Variants in DYNC1I1 observed in about 807,000 individuals in gnomAD.
DYNC1I1 encodes the protein dynein cytoplasmic 1 intermediate chain 1.
Under a neutral mutation model 86.6 loss-of-function variants are expected in DYNC1I1, and 43 were observed. The observed-to-expected ratio is 0.50, with a 90% CI of 0.39 to 0.64. The LOEUF is 0.64. DYNC1I1 is among the 30% of genes least tolerant of loss of function. The pLI, the probability that DYNC1I1 is intolerant of heterozygous loss-of-function variation, is 0.00. For synonymous variants in DYNC1I1, 262 were observed against 283.7 expected, an observed-to-expected ratio of 0.92 and a Z score of 0.77; for missense variants, 604 against 788.8, an observed-to-expected ratio of 0.77 and a Z score of 2.81.
rs539791097 is a variant in DYNC1I1, at chr7:96,062,952, G to C, written c.1510-13105G>C. 4.6e-5 allele frequency among the ~76,000 whole-genome samples: 7 copies of C among 152,068 alleles called. No homozygotes were observed. The South Asian group carries it at 1.5e-3, about 32-fold the overall frequency. On this transcript the variant is annotated intron_variant, in intron 14 of 16. Coordinates refer to ENST00000447467, the MANE Select transcript of DYNC1I1 (RefSeq NM_001135556.2). Reference sequence around the variant, plus strand: ...TTGTGTCCCTGGGGTGGTTTGACCTGTTTGTATTAGCTTTCCACTCTCCAT... The same window carrying C: ...TTGTGTCCCTGGGGTGGTTTGACCTCTTTGTATTAGCTTTCCACTCTCCAT...
At chr7:95,966,311 G>C (rs1263960396) in intron 6 of DYNC1I1, among the ~76,000 whole-genome samples, 1 of 152,138 alleles carries the variant, frequency 6.6e-6, no homozygotes, top group Non-Finnish European at 1.5e-5. Flanking sequence ...GATGTATATG[G>C]TCATTTTACT....
At chr7:95,798,308 C>A (rs1794493867) in intron 1 of DYNC1I1, among the ~76,000 whole-genome samples, 1 of 151,738 alleles carries the variant, frequency 6.6e-6, no homozygotes, top group South Asian at 2.1e-4. Flanking sequence ...TGGCCAACTC[C>A]CTCCTGAGAT....
chr7:96,018,562 G>A (rs1031119251), intron 10 of DYNC1I1, among the ~76,000 whole-genome samples: 4 of 152,136 alleles, frequency 2.6e-5, no homozygotes, highest in African/African-American at 9.7e-5. Context: ...CAGTGATAAT[G>A]TTCATTAGCA....
chr7:95,937,533 AT>A (rs1792080683), intron 6 of DYNC1I1, among the ~76,000 whole-genome samples: 2 of 151,032 alleles, frequency 1.3e-5, no homozygotes, highest in African/African-American at 4.9e-5. Context: ...TATGAAAGAC[AT>A]TTAGCAAACA....
At chr7:95,934,098 C>T (rs1791975992) in intron 6 of DYNC1I1, among the ~76,000 whole-genome samples, 1 of 151,986 alleles carries the variant, frequency 6.6e-6, no homozygotes, top group Non-Finnish European at 1.5e-5. Flanking sequence ...AGAAAATGAC[C>T]AGAGTAAACT....
At chr7:96,105,673 G>T (rs1791204772) in intron 16 of DYNC1I1, among the ~76,000 whole-genome samples, 1 of 152,134 alleles carries the variant, frequency 6.6e-6, no homozygotes, top group African/African-American at 2.4e-5. Flanking sequence ...GAGGAGTTGG[G>T]AAGTGTTCTG....
chr7:95,969,691 C>T (rs1359020439), intron 6 of DYNC1I1, among the ~76,000 whole-genome samples: 2 of 152,058 alleles, frequency 1.3e-5, no homozygotes, highest in African/African-American at 2.4e-5. Flanking sequence ...TCTCTGACTT[C>T]CCCTCTCATT....
chr7:95,882,143 C>T (rs933116091), intron 6 of DYNC1I1, among the ~76,000 whole-genome samples: 2 of 152,118 alleles, frequency 1.3e-5, no homozygotes, highest in African/African-American at 4.8e-5. Flanking sequence ...TTTAGGATCA[C>T]AAATTTCACA....
At chr7:95,780,250 A>G (rs1326735258) in intron 1 of DYNC1I1, among the ~76,000 whole-genome samples, 2 of 151,902 alleles carry the variant, frequency 1.3e-5, no homozygotes, top group African/African-American at 4.8e-5. Flanking sequence ...CTTTGCCTAC[A>G]ATCACTTAAT....
chr7:95,823,952 C>CTATATATATATATA lies in DYNC1I1; in HGVS notation c.315-4091_315-4078dup, dbSNP rs71127429. 5.5e-3 allele frequency among the ~76,000 whole-genome samples: 429 copies of CTATATATATATATA among 77,810 alleles called. 10 individuals carry two copies. The highest frequency in any genetic ancestry group is 0.011 in the African/African-American group (171 of 15,104). 51.0% of individuals were successfully genotyped at this position (77,810 alleles called of 152,430 possible). A position where few individuals can be genotyped will look rare whatever the true frequency, so the allele number is the denominator to read the frequency against. ...TTACTTTCAGATTTGTTCTACTAAA[C>CTATATATATATATA]TATATATATATATATATATATATAT... On this transcript the variant is annotated intron_variant, in intron 4 of 16. Coordinates refer to ENST00000447467, the MANE Select transcript of DYNC1I1 (RefSeq NM_001135556.2).
At chr7:95,813,771 T>A (rs1365123731) in intron 4 of DYNC1I1, among the ~76,000 whole-genome samples, 1 of 152,168 alleles carries the variant, frequency 6.6e-6, no homozygotes, top group East Asian at 1.9e-4. Context: ...AGTGAGTTAT[T>A]TGCTTAGTAA....
rs958272787 is a variant in DYNC1I1, at chr7:95,883,101, G to A, written c.490+13103G>A. ...ATTAGTTATGTCAGCTGCCCAAAAT[G>A]TGCCTTTTTATTAATAGCACCTTTT... On this transcript the variant is annotated intron_variant, in intron 6 of 16. Transcript: ENST00000447467. Among the ~76,000 whole-genome samples, 8 of 152,246 alleles carry A rather than the reference G, an allele frequency of 5.3e-5. No homozygotes were observed. In the East Asian group the frequency reaches 1.3e-3, roughly 26 times the overall value.
At chr7:95,892,027 G>A (rs1353881234) in intron 6 of DYNC1I1, among the ~76,000 whole-genome samples, 2 of 152,102 alleles carry the variant, frequency 1.3e-5, no homozygotes, top group Admixed American at 6.5e-5. Flanking sequence ...GAGTGCAGTA[G>A]CATCATTTCG....
intron 10 of DYNC1I1, among the ~76,000 whole-genome samples, chr7:96,021,663 C>T (rs1314684181): frequency 2.0e-5 from 3 of 152,110 alleles, no homozygotes; most frequent in African/African-American, 7.2e-5. Flanking sequence ...AGTAGTCATT[C>T]CTCATTCCTT....
chr7:95,878,614 C>T (rs1043459817), intron 6 of DYNC1I1, among the ~76,000 whole-genome samples: 30 of 152,092 alleles, frequency 2.0e-4, no homozygotes, highest in African/African-American at 7.2e-4. Context: ...AATCAGCCTA[C>T]CTGTAACAGG....
chr7:95,888,990 A>G (rs1420105876), intron 6 of DYNC1I1, among the ~76,000 whole-genome samples: 2 of 152,204 alleles, frequency 1.3e-5, no homozygotes, highest in Non-Finnish European at 2.9e-5. Context: ...TCAAGGAATG[A>G]GAAATGCTTG....
At chr7:96,097,410 G>C in intron 16 of DYNC1I1, 73 bp from the exon 17 acceptor site, 1 of 1,548,356 alleles carries the variant, frequency 6.5e-7, no homozygotes, top group South Asian at 1.2e-5. Context: ...CAAAGGGACA[G>C]TCATTCAGGC....
At chr7:95,816,368 G>A (rs80032342) in intron 4 of DYNC1I1, among the ~76,000 whole-genome samples, 2,263 of 152,166 alleles carry the variant, frequency 0.015, 32 homozygotes, top group Admixed American at 0.021. Context: ...TTAAAAAATG[G>A]GTAGAGAGTA....
At chr7:95,832,315 T>C (rs1788931838) in intron 5 of DYNC1I1, among the ~76,000 whole-genome samples, 1 of 150,406 alleles carries the variant, frequency 6.6e-6, no homozygotes, top group African/African-American at 2.5e-5. Flanking sequence ...TTTTTATGGC[T>C]GCATAGTATT....
Sources: allele counts gnomAD v4.1 joint callset (sites outside exome capture counted in the v4.1 genomes callset), GRCh38; gene constraint gnomAD v4.1.1; transcripts MANE v1.5; gene names NCBI Gene and HGNC (gene_info 2026-07-23, HGNC 2026-07-21).